WDHD1: variants seen among roughly 807,000 people sequenced by gnomAD.
WDHD1 encodes the protein WD repeat and HMG-box DNA-binding protein 1.
WDHD1 carries 111 observed loss-of-function variants against 135.4 expected under a neutral mutation model. That is an observed-to-expected ratio of 0.82 (90% CI 0.70 to 0.96). The LOEUF is 0.96. Among genes scored for constraint, WDHD1 ranks in the 40% least tolerant of loss-of-function variants. The pLI, the probability that WDHD1 is intolerant of heterozygous loss-of-function variation, is 0.00. For missense variants in WDHD1, 1,351 were observed against 1,336.3 expected (o/e 1.01, Z -0.17); for synonymous variants, 434 against 439.0 (o/e 0.99, Z 0.14).
chr14:54,965,714 C>T (rs1411604377), intron 18 of WDHD1, among the ~76,000 whole-genome samples: 3 of 151,724 alleles, frequency 2.0e-5, no homozygotes, highest in East Asian at 1.9e-4. Context: ...CCAGCACTTT[C>T]GGAGGCCGAG....
In WDHD1 at chr14:54,977,845, C is replaced by G. The variant is rs534220919; in HGVS notation, c.2063+3695G>C. Among the ~76,000 whole-genome samples, 10 of 141,962 alleles carry G rather than the reference C, an allele frequency of 7.0e-5. No homozygotes were observed. In the South Asian group the frequency reaches 1.6e-3, roughly 22 times the overall value. 93.1% of individuals were successfully genotyped at this position (141,962 alleles called of 152,430 possible). On this transcript the variant is annotated intron_variant, in intron 16 of 25. Transcript: ENST00000360586. ...CAGCTGTAATTATCGTAGTTTTTAACAAGTTAAAATTCTTTACAAATCTTA... is the reference window on the plus strand; with the variant it reads ...CAGCTGTAATTATCGTAGTTTTTAAGAAGTTAAAATTCTTTACAAATCTTA...
chr14:54,952,442 G>T (rs2041074770), intron 24 of WDHD1, among the ~76,000 whole-genome samples: 2 of 152,332 alleles, frequency 1.3e-5, no homozygotes, highest in South Asian at 4.1e-4. Flanking sequence ...CAAGGGATGT[G>T]AAGGACCTCT....
rs748872228 is a variant in WDHD1 at position 54,989,181 on chromosome 14, T to C, written c.1373A>G (p.Tyr458Cys). ...VWNSIGIIRCYNDEQDNAIDV... is the reference protein window; with the variant it reads ...VWNSIGIIRCCNDEQDNAIDV... ...TATGGCATTGTCTTGCTCATCATTATAGCAGCGAATAATTCCAATAGAGTT... is the reference window on the plus strand; with the variant it reads ...TATGGCATTGTCTTGCTCATCATTACAGCAGCGAATAATTCCAATAGAGTT... The change falls in exon 13 of 26, where the codon TAT (tyrosine) becomes TGT (cysteine). Residue 458 changes from tyrosine (Y) to cysteine (C), a missense_variant. Tyr to Cys is a radical substitution (Grantham distance 194, BLOSUM62 -2). This residue lies in a region of WDHD1 where 1,330 missense variants were observed against 1,296.1 expected (regional missense o/e 1.03). Coordinates refer to ENST00000360586, the MANE Select transcript of WDHD1 (RefSeq NM_007086.4). 3 of 1,613,358 alleles carry C rather than the reference T, an allele frequency of 1.9e-6. No individual in the cohort carries two copies. The highest frequency in any genetic ancestry group is 1.7e-5 in the Admixed American group (1 of 59,956).
At chr14:54,975,204 CA>C (rs2041505913) in intron 16 of WDHD1, among the ~76,000 whole-genome samples, 1 of 152,254 alleles carries the variant, frequency 6.6e-6, no homozygotes, top group East Asian at 1.9e-4. Context: ...TAGACTGTAA[CA>C]CAGCAAAATT....
At chr14:55,005,164 C>G in intron 7 of WDHD1, 1 of 540,020 alleles carries the variant, frequency 1.9e-6, no homozygotes, top group Non-Finnish European at 3.6e-6. Flanking sequence ...TCGGCATCCA[C>G]CACATCAATC....
Position 54,962,790 on chromosome 14 carries a change from A to G in WDHD1, c.2595T>C (p.Ala865=). Reference sequence around the variant, plus strand: ...CATCATCAGCTTCTCCACTGTCCTCAGCATCTTCTTCAACTTGATTTCTGA... The same window carrying G: ...CATCATCAGCTTCTCCACTGTCCTCGGCATCTTCTTCAACTTGATTTCTGA... The part of the protein sequence containing the change: ...PRFRNQVEED[A]EDSGEADDEE... The change falls in exon 20 of 26, where the codon GCT becomes GCC. Residue 865 remains alanine, a synonymous_variant. Coordinates refer to ENST00000360586, the MANE Select transcript of WDHD1 (RefSeq NM_007086.4). 1 of 1,613,676 alleles carries G rather than the reference A, an allele frequency of 6.2e-7. No homozygotes were observed.
At chr14:54,985,204 A>G (rs2041677489) in intron 14 of WDHD1, among the ~76,000 whole-genome samples, 1 of 152,244 alleles carries the variant, frequency 6.6e-6, no homozygotes, top group Non-Finnish European at 1.5e-5. Flanking sequence ...ACAAATTAAA[A>G]AACACAAAAA....
intron 2 of WDHD1, among the ~76,000 whole-genome samples, chr14:55,023,962 G>A (rs2042391068): frequency 6.6e-6 from 1 of 152,084 alleles, no homozygotes. Flanking sequence ...TATATTTTAT[G>A]GTAGTAAATG....
At chr14:55,013,103 ACAGT>A (rs1336854519) in intron 3 of WDHD1, among the ~76,000 whole-genome samples, 2 of 150,524 alleles carry the variant, frequency 1.3e-5, no homozygotes, top group Non-Finnish European at 2.9e-5. Context: ...GCATGCACCT[ACAGT>A]CCTAGCTGCC....
chr14:54,964,114 A>G (rs2041302252), intron 18 of WDHD1, among the ~76,000 whole-genome samples: 1 of 152,128 alleles, frequency 6.6e-6, no homozygotes, highest in Non-Finnish European at 1.5e-5. Context: ...TCTCTAAAAA[A>G]TACAAAAAAG....
chr14:54,944,056 A>AT (rs2040879836), intron 25 of WDHD1, among the ~76,000 whole-genome samples: 1 of 152,096 alleles, frequency 6.6e-6, no homozygotes, highest in African/African-American at 2.4e-5. Flanking sequence ...TGGTGGATGT[A>AT]TTCAATTTCC....
chr14:55,005,356 C>A, intron 7 of WDHD1: 1 of 562,988 alleles, frequency 1.8e-6, no homozygotes, highest in South Asian at 1.4e-5. Context: ...CTGCCTGGAT[C>A]TGGTTAATGA....
At chr14:55,011,341 C>T (rs1311930035) in intron 3 of WDHD1, among the ~76,000 whole-genome samples, 1 of 151,786 alleles carries the variant, frequency 6.6e-6, no homozygotes, top group African/African-American at 2.4e-5. Flanking sequence ...ACCAGCCTAG[C>T]CAACATGGTG....
In WDHD1 at chr14:54,981,621, A is replaced by G; in HGVS notation, c.1982T>C (p.Ile661Thr). The change falls in exon 16 of 26, where the codon ATA (isoleucine) becomes ACA (threonine). Residue 661 changes from isoleucine to threonine, a missense_variant. Physicochemically the swap from Ile to Thr is moderately conservative, Grantham distance 89. Coordinates refer to ENST00000360586, the MANE Select transcript of WDHD1 (RefSeq NM_007086.4). ...NRGLGNTWTPICNTREHCKGK... is the reference protein window; with the variant it reads ...NRGLGNTWTPTCNTREHCKGK... Reference sequence around the variant, plus strand: ...TTTGCAGTGCTCTCTTGTATTACATATAGGAGTCCACGTATTACCAAGTCC... The same window carrying G: ...TTTGCAGTGCTCTCTTGTATTACATGTAGGAGTCCACGTATTACCAAGTCC... The G allele has an allele frequency of 1.2e-6, 2 of 1,612,778 alleles. No homozygotes were observed. Among genetic ancestry groups the G allele is most frequent in the Non-Finnish European group, 1.7e-6 (2 of 1,178,990 alleles).
At chr14:54,956,955 A>G (rs1048538824) in intron 23 of WDHD1, 79 bp downstream of exon 23, 18 of 1,505,896 alleles carry the variant, frequency 1.2e-5, no homozygotes, top group African/African-American at 7.0e-5. Flanking sequence ...CTCCTATCCT[A>G]TATCTGAAAC....
chr14:55,025,851 TCAC>T (rs1243836044), intron 2 of WDHD1, among the ~76,000 whole-genome samples: 5 of 152,164 alleles, frequency 3.3e-5, no homozygotes, highest in African/African-American at 1.2e-4. Context: ...TATGCCAACA[TCAC>T]CACCCCACCG....
chr14:54,967,771 C>A (rs995159000), intron 16 of WDHD1, among the ~76,000 whole-genome samples: 2 of 152,100 alleles, frequency 1.3e-5, no homozygotes, highest in Non-Finnish European at 2.9e-5. Context: ...CAGATATATG[C>A]CACCATGCCT....
At chr14:54,966,164 TAAAAAAAA>T (rs34071862) in intron 18 of WDHD1, among the ~76,000 whole-genome samples, 1 of 67,198 alleles carries the variant, frequency 1.5e-5, no homozygotes, top group Non-Finnish European at 2.5e-5. Context: ...CCATCTCTAC[TAAAAAAAA>T]AAAAAAAAAA....
chr14:54,941,400 A>G lies in WDHD1; in HGVS notation c.*90T>C. On this transcript the variant is annotated 3_prime_UTR_variant, in exon 26 of 26. Transcript: ENST00000360586. ...AGTTGCTTCAAACTCTTTAAAAAATATATATATAATGAGTTTCCCAAAGAC... is the reference window on the plus strand; with the variant it reads ...AGTTGCTTCAAACTCTTTAAAAAATGTATATATAATGAGTTTCCCAAAGAC... 1.9e-6 allele frequency: 2 copies of G among 1,036,198 alleles called. No homozygotes were observed. Among genetic ancestry groups the G allele is most frequent in the Non-Finnish European group, 2.7e-6 (2 of 748,448 alleles). 64.2% of individuals were successfully genotyped at this position (1,036,198 alleles called of 1,614,324 possible).
Sources: allele counts gnomAD v4.1 joint callset (sites outside exome capture counted in the v4.1 genomes callset), GRCh38; gene constraint gnomAD v4.1.1; regional missense constraint gnomAD v4.1.1; transcripts MANE v1.5; gene names NCBI Gene and HGNC (gene_info 2026-07-23, HGNC 2026-07-21).